The following UGT1A7 variants were observed in gnomAD, a reference collection of about 807,000 sequenced individuals.
The protein encoded by UGT1A7 is UDP-glucuronosyltransferase 1A7.
In UGT1A7, 33 loss-of-function variants were observed where a neutral mutation model predicts 45.6. The observed-to-expected ratio is 0.72, with a 90% confidence interval of 0.55 to 0.97. The LOEUF is 0.97. Among genes scored for constraint, UGT1A7 ranks in the 50% least tolerant of loss-of-function variants. The pLI is 0.00. For missense variants in UGT1A7, 684 were observed against 666.2 expected, an observed-to-expected ratio of 1.03 and a Z score of -0.29; for synonymous variants, 274 against 250.6, an observed-to-expected ratio of 1.09 and a Z score of -0.88.
chr2:233,692,620 A>G (rs1324523503), intron 1 of UGT1A7, among the ~76,000 whole-genome samples: 1 of 152,200 alleles, frequency 6.6e-6, no homozygotes, highest in Non-Finnish European at 1.5e-5. Flanking sequence ...CACATCATGG[A>G]CATAACAGAC....
chr2:233,692,795 C>G (rs866165884), intron 1 of UGT1A7: 7 of 1,377,094 alleles, frequency 5.1e-6, no homozygotes, highest in African/African-American at 2.9e-5. Flanking sequence ...TGAAAGCTGA[C>G]ACGGCCATAG....
At position 233,713,467 on chromosome 2, in the gene UGT1A7, C is replaced by T. The variant is rs754257180; in HGVS notation, c.855+30675C>T. The T allele has an allele frequency of 3.3e-5, 53 of 1,613,938 alleles. 1 individual carries two copies. Among genetic ancestry groups the T allele is most frequent in the South Asian group, 3.1e-4 (28 of 91,084 alleles). ...ACAGACCCCTTTCACCTCTGCGCGG[C>T]GGTGCTGGCTAAGTACCTGTCGATT... On this transcript the variant is annotated intron_variant, in intron 1 of 4. Coordinates refer to ENST00000373426, the MANE Select transcript of UGT1A7 (RefSeq NM_019077.3).
chr2:233,741,255 T>A (rs1029860579), intron 1 of UGT1A7, among the ~76,000 whole-genome samples: 2 of 151,880 alleles, frequency 1.3e-5, no homozygotes, highest in Non-Finnish European at 2.9e-5. Context: ...GGTATGCCAC[T>A]CTTTGCTGAC....
intron 1 of UGT1A7, among the ~76,000 whole-genome samples, chr2:233,746,337 C>A (rs1693368199): frequency 6.6e-6 from 1 of 151,668 alleles, no homozygotes; most frequent in Admixed American, 6.6e-5. Context: ...GGGCAATGGA[C>A]ATGTTTATGT....
intron 1 of UGT1A7, chr2:233,760,101 A>G (rs1697321956): frequency 2.6e-6 from 3 of 1,137,760 alleles, no homozygotes; most frequent in Admixed American, 5.6e-5. Context: ...GTTGTTGCCT[A>G]TTAAGAAACC....
At chr2:233,763,732 A>T (rs1272484781) in intron 1 of UGT1A7, among the ~76,000 whole-genome samples, 1 of 152,234 alleles carries the variant, frequency 6.6e-6, no homozygotes, top group East Asian at 1.9e-4. Context: ...ACAACCTGGC[A>T]TTGGCGTGTC....
intron 1 of UGT1A7, chr2:233,760,773 G>C (rs780985622): frequency 2.5e-6 from 4 of 1,613,826 alleles, no homozygotes; most frequent in Non-Finnish European, 3.4e-6. Flanking sequence ...TCGTGGCCCA[G>C]TACCTGTCTC....
chr2:233,688,190 C>A (rs10168155), intron 1 of UGT1A7, among the ~76,000 whole-genome samples: 1 of 151,962 alleles, frequency 6.6e-6, no homozygotes, highest in East Asian at 1.9e-4. Context: ...CCTTTATGAC[C>A]GGCTTCTTTC....
intron 1 of UGT1A7, chr2:233,747,824 C>T (rs1693787782): frequency 6.2e-7 from 1 of 1,613,430 alleles, no homozygotes; most frequent in Admixed American, 1.7e-5. Context: ...ATTCAGACCA[C>T]ATGACATTCC....
chr2:233,746,996 T>C (rs1200974449), intron 1 of UGT1A7, among the ~76,000 whole-genome samples: 1 of 151,576 alleles, frequency 6.6e-6, no homozygotes, highest in East Asian at 1.9e-4. Context: ...TCAGATGAGT[T>C]TTTCAAGTAG....
At chr2:233,717,097 A>C (rs1035812992) in intron 1 of UGT1A7, among the ~76,000 whole-genome samples, 3 of 152,144 alleles carry the variant, frequency 2.0e-5, no homozygotes, top group Non-Finnish European at 4.4e-5. Flanking sequence ...TGACATCACT[A>C]TCTAAATAAA....
chr2:233,706,576 G>A (rs550781896), intron 1 of UGT1A7, among the ~76,000 whole-genome samples: 1 of 152,280 alleles, frequency 6.6e-6, no homozygotes, highest in African/African-American at 2.4e-5. Context: ...GGGTAAGAGT[G>A]GAGATGGGAG....
At position 233,758,345 on chromosome 2, in the gene UGT1A7, T is replaced by G. The variant is rs2125964411; in HGVS notation, c.856-8689T>G. Among the ~76,000 whole-genome samples, 4 of 152,362 alleles carry G rather than the reference T, an allele frequency of 2.6e-5. 1 individual carries two copies. In the Middle Eastern group the frequency reaches 0.01, roughly 389 times the overall value. On this transcript the variant is annotated intron_variant, in intron 1 of 4. Transcript: ENST00000373426. ...CCTCAAAAAGCTTGGAAGCTCTGCA[T>G]GATGCAGGAAAGTCATAAAATCATT...
chr2:233,703,165 C>T (rs1009134822), intron 1 of UGT1A7, among the ~76,000 whole-genome samples: 1 of 152,064 alleles, frequency 6.6e-6, no homozygotes, highest in Non-Finnish European at 1.5e-5. Context: ...CTTCTTGATT[C>T]AATTTCAGTA....
At chr2:233,720,048 C>T (rs12466779) in intron 1 of UGT1A7, among the ~76,000 whole-genome samples, 12,140 of 152,146 alleles carry the variant, frequency 0.08, 618 homozygotes, top group East Asian at 0.2. Context: ...TTCAGCTGAA[C>T]GGTGATGCAA....
chr2:233,738,035 A>T (rs1181803416), intron 1 of UGT1A7, among the ~76,000 whole-genome samples: 1 of 151,816 alleles, frequency 6.6e-6, no homozygotes, highest in African/African-American at 2.4e-5. Flanking sequence ...CATAATCCCC[A>T]CGTGTTGAGG....
chr2:233,725,124 C>T (rs1317308405), intron 1 of UGT1A7, among the ~76,000 whole-genome samples: 3 of 137,634 alleles, frequency 2.2e-5, no homozygotes, highest in Admixed American at 7.2e-5. Context: ...TGCAGTGAGC[C>T]GAGATGGCAG....
chr2:233,744,013 C>G, intron 1 of UGT1A7: 1 of 1,057,576 alleles, frequency 9.5e-7, no homozygotes. Flanking sequence ...ACCTGGGCCG[C>G]CTGGAGAGAC....
At chr2:233,740,942 A>G (rs1313081158) in intron 1 of UGT1A7, 4 of 151,462 alleles carry the variant, frequency 2.6e-5, no homozygotes, top group African/African-American at 4.9e-5. Context: ...TTTTTTAATT[A>G]GCTAGGTGTG....
Sources: gnomAD v4.1 joint callset for allele counts (sites outside exome capture counted in the v4.1 genomes callset) on GRCh38, gnomAD v4.1.1 for gene constraint, MANE v1.5 for transcripts, NCBI Gene and HGNC (gene_info 2026-07-23, HGNC 2026-07-21) for gene names.